Variants in OSBPL6 observed in about 807,000 individuals in gnomAD.
OSBPL6 encodes oxysterol-binding protein-related protein 6.
OSBPL6 carries 49 observed loss-of-function variants against 125.8 expected under a neutral mutation model. That is an observed-to-expected ratio of 0.39 (90% CI 0.31 to 0.49). The LOEUF is 0.49. Among genes scored for constraint, OSBPL6 ranks in the 20% least tolerant of loss-of-function variants. OSBPL6 has a pLI of 0.88. For synonymous variants in OSBPL6, 394 were observed against 391.8 expected (o/e 1.01, Z -0.07); for missense variants, 986 against 1,135.4 (o/e 0.87, Z 1.89).
At chr2:178,333,627 G>C (rs1166896177) in intron 8 of OSBPL6, among the ~76,000 whole-genome samples, 2 of 152,106 alleles carry the variant, frequency 1.3e-5, no homozygotes, top group East Asian at 3.8e-4. Context: ...TGGCTTTGTA[G>C]GAATACTAGG....
chr2:178,226,694 C>T (rs894897390), intron 1 of OSBPL6, among the ~76,000 whole-genome samples: 1 of 152,090 alleles, frequency 6.6e-6, no homozygotes, highest in Non-Finnish European at 1.5e-5. Flanking sequence ...CTGCTTCATA[C>T]TATATACAAA....
Position 178,196,285 on chromosome 2 carries a change from A to T in OSBPL6, c.-351+1611A>T, listed in dbSNP as rs1343252571. ...TTTATTATTATTATTCTTTTGCAGTAGGAGTTCATATATTTTTTCCCTAAA... is the reference window on the plus strand; with the variant it reads ...TTTATTATTATTATTCTTTTGCAGTTGGAGTTCATATATTTTTTCCCTAAA... On this transcript the variant is annotated intron_variant, in intron 1 of 24. Transcript: ENST00000190611. 2.0e-5 allele frequency among the ~76,000 whole-genome samples: 3 copies of T among 152,226 alleles called. No individual in the cohort carries two copies. In the East Asian group the frequency reaches 5.8e-4, roughly 29 times the overall value.
chr2:178,313,596 A>G (rs943817388), intron 3 of OSBPL6, among the ~76,000 whole-genome samples: 6 of 152,224 alleles, frequency 3.9e-5, no homozygotes, highest in African/African-American at 1.2e-4. Context: ...AGGAAAAAAT[A>G]TAAATAATAA....
chr2:178,267,366 AAAAAAAAAAC>A (rs2092266584), intron 1 of OSBPL6, among the ~76,000 whole-genome samples: 1 of 151,444 alleles, frequency 6.6e-6, no homozygotes, highest in African/African-American at 2.4e-5. Flanking sequence ...AAAAAAAAAA[AAAAAAAAAAC>A]AAAACAAGGT....
intron 12 of OSBPL6, among the ~76,000 whole-genome samples, chr2:178,351,538 G>A (rs1691255930): frequency 6.6e-6 from 1 of 152,054 alleles, no homozygotes; most frequent in African/African-American, 2.4e-5. Context: ...TGAAAGACCT[G>A]TACACTGAGA....
intron 12 of OSBPL6, among the ~76,000 whole-genome samples, chr2:178,357,417 G>A (rs945951513): frequency 1.3e-5 from 2 of 152,092 alleles, no homozygotes; most frequent in Non-Finnish European, 2.9e-5. Context: ...TCAAAAAGTG[G>A]GCAAAGGATA....
chr2:178,320,410 C>T lies in OSBPL6; in HGVS notation c.103-3767C>T, dbSNP rs766583713. The T allele has an allele frequency of 4.3e-6, 7 of 1,612,426 alleles. No homozygotes were observed. The Admixed American group carries it at 1.2e-4, about 27-fold the overall frequency. ...AGGGGAAACAGAGGGCGGGTAAGTA[C>T]TTCCACCTTCTCTGTGTGTTCTAAG... On this transcript the variant is annotated intron_variant, in intron 3 of 24. Transcript: ENST00000190611.
chr2:178,338,541 G>T (rs1367976988), intron 9 of OSBPL6, among the ~76,000 whole-genome samples: 1 of 152,126 alleles, frequency 6.6e-6, no homozygotes, highest in Non-Finnish European at 1.5e-5. Context: ...CAGAAAATAT[G>T]TTTAACTGAT....
intron 1 of OSBPL6, among the ~76,000 whole-genome samples, chr2:178,219,777 G>A (rs959125982): frequency 2.0e-4 from 30 of 152,168 alleles, no homozygotes; most frequent in African/African-American, 6.8e-4. Flanking sequence ...TCACATGTCA[G>A]GAGCAATTAG....
intron 1 of OSBPL6, among the ~76,000 whole-genome samples, chr2:178,247,728 C>T (rs538578695): frequency 6.6e-6 from 1 of 152,180 alleles, no homozygotes; most frequent in South Asian, 2.1e-4. Context: ...AGCTCTTGGG[C>T]CTGTGTTTGA....
At chr2:178,252,065 G>A (rs767299780) in intron 1 of OSBPL6, among the ~76,000 whole-genome samples, 7 of 152,192 alleles carry the variant, frequency 4.6e-5, no homozygotes, top group Admixed American at 3.9e-4. Context: ...CACGGGCTGA[G>A]TAGTAGATTG....
chr2:178,374,341 A>G (rs6706354), intron 15 of OSBPL6, among the ~76,000 whole-genome samples: 85,320 of 152,004 alleles, frequency 0.56, 24,358 homozygotes, highest in East Asian at 0.88. Context: ...CTGTTTATAG[A>G]AGGAGACTAG....
At chr2:178,276,370 G>A (rs2092468389) in intron 1 of OSBPL6, among the ~76,000 whole-genome samples, 1 of 137,506 alleles carries the variant, frequency 7.3e-6, no homozygotes, top group South Asian at 2.3e-4. Flanking sequence ...TATTCTAAAT[G>A]GTTTTTTTTT....
At chr2:178,283,482 G>C (rs980070169) in intron 1 of OSBPL6, among the ~76,000 whole-genome samples, 1 of 152,146 alleles carries the variant, frequency 6.6e-6, no homozygotes, top group Non-Finnish European at 1.5e-5. Context: ...GAATAAAGGA[G>C]CCTGCTAGAG....
At chr2:178,384,275 A>G in intron 18 of OSBPL6, 99 bp downstream of exon 18, 3 of 1,446,488 alleles carry the variant, frequency 2.1e-6, no homozygotes, top group Non-Finnish European at 2.8e-6. Context: ...ATGGGTTATG[A>G]TACCAGTTGT....
intron 1 of OSBPL6, among the ~76,000 whole-genome samples, chr2:178,219,243 A>G (rs1446452): frequency 4.1e-4 from 62 of 152,350 alleles, no homozygotes; most frequent in Middle Eastern, 3.4e-3. Flanking sequence ...TGCTTGCATC[A>G]TCTATATTCA....
At chr2:178,251,460 G>A (rs115962478) in intron 1 of OSBPL6, among the ~76,000 whole-genome samples, 6,723 of 148,940 alleles carry the variant, frequency 0.045, 193 homozygotes, top group African/African-American at 0.073. Flanking sequence ...TGCCATTTCT[G>A]CTTGCAAGGG....
At chr2:178,213,476 G>A (rs571771611) in intron 1 of OSBPL6, among the ~76,000 whole-genome samples, 25 of 151,850 alleles carry the variant, frequency 1.6e-4, no homozygotes, top group African/African-American at 4.1e-4. Flanking sequence ...TGATTCTACC[G>A]CTAACCATGT....
At chr2:178,328,129 A>G in intron 4 of OSBPL6, 127 bp from the exon 5 acceptor site, 1 of 1,237,670 alleles carries the variant, frequency 8.1e-7, no homozygotes, top group East Asian at 2.4e-5. Context: ...TTGCTCCGGA[A>G]TGTTGTTCAT....
Sources: gnomAD v4.1 joint callset for allele counts (sites outside exome capture counted in the v4.1 genomes callset) on GRCh38, gnomAD v4.1.1 for gene constraint, MANE v1.5 for transcripts, NCBI Gene and HGNC (gene_info 2026-07-23, HGNC 2026-07-21) for gene names.